ARPC1A: variants seen among roughly 807,000 people sequenced by gnomAD.
The protein encoded by ARPC1A is actin related protein 2/3 complex subunit 1A.
Under a neutral mutation model 46.9 loss-of-function variants are expected in ARPC1A, and 8 were observed. That is an observed-to-expected ratio of 0.17 (90% CI 0.10 to 0.31). The LOEUF (loss-of-function observed/expected upper bound fraction) is 0.31. ARPC1A is among the 10% of genes least tolerant of loss of function. The pLI is 1.00. For synonymous variants in ARPC1A, 152 were observed against 169.0 expected, an observed-to-expected ratio of 0.90 and a Z score of 0.78; for missense variants, 286 against 483.6, an observed-to-expected ratio of 0.59 and a Z score of 3.83.
chr7:99,364,991 C>T (rs961468777), intron 9 of ARPC1A, among the ~76,000 whole-genome samples: 5 of 152,016 alleles, frequency 3.3e-5, no homozygotes, highest in East Asian at 1.9e-4. Flanking sequence ...TCCTGAGTTG[C>T]GATGGGTTTT....
Position 99,359,857 on chromosome 7 carries a change from A to C in ARPC1A, c.983+119A>C, listed in dbSNP as rs1041583291. ...CTCAGGCCCAGACATTCTTTCAGGG[A>C]CAAGTGCAGCAAGAAGTCTGTATCT... On this transcript the variant is annotated intron_variant, in intron 8 of 9. Coordinates refer to ENST00000262942, the MANE Select transcript of ARPC1A (RefSeq NM_006409.4). The C allele has an allele frequency of 5.9e-6, 7 of 1,186,890 alleles. No homozygotes were observed. In the Admixed American group the frequency reaches 1.2e-4, roughly 21 times the overall value. 73.5% of individuals were successfully genotyped at this position (1,186,890 alleles called of 1,614,324 possible).
At chr7:99,330,650 GCTTT>G (rs1364639384) in intron 1 of ARPC1A, among the ~76,000 whole-genome samples, 1 of 152,148 alleles carries the variant, frequency 6.6e-6, no homozygotes, top group Non-Finnish European at 1.5e-5. Flanking sequence ...TGCTGCTTCT[GCTTT>G]CTGAGACTGA....
At chr7:99,362,149 G>T (rs1460081565) in intron 8 of ARPC1A, among the ~76,000 whole-genome samples, 1 of 151,404 alleles carries the variant, frequency 6.6e-6, no homozygotes. Context: ...ACAAAAATTC[G>T]CCAGCCTGGT....
chr7:99,363,489 T>C lies in ARPC1A; in HGVS notation c.984-54T>C, dbSNP rs1399849602. The C allele has an allele frequency of 4.7e-6, 6 of 1,276,034 alleles. No homozygotes were observed. In the African/African-American group the frequency reaches 5.9e-5, roughly 13 times the overall value. The allele number at this position is 1,276,034 out of a possible 1,614,324, so 79.0% of individuals were successfully genotyped here. On this transcript the variant is annotated intron_variant, in intron 8 of 9. Transcript: ENST00000262942. ...CCTTACACTATTAGTCAGGAATGTT[T>C]GTGTTCACTTCCACTACATACCTTA...
At chr7:99,359,896 G>GCT in intron 8 of ARPC1A, 158 bp downstream of exon 8, 1 of 860,750 alleles carries the variant, frequency 1.2e-6, no homozygotes. Flanking sequence ...CGACCGCCAG[G>GCT]CTCTCATTTC....
intron 8 of ARPC1A, among the ~76,000 whole-genome samples, chr7:99,362,675 G>T (rs2150876029): frequency 6.6e-6 from 1 of 151,642 alleles, no homozygotes; most frequent in South Asian, 2.1e-4. Context: ...AAGCTCACAG[G>T]CTGTACGGGC....
At chr7:99,344,126 G>T (rs559445719) in intron 3 of ARPC1A, among the ~76,000 whole-genome samples, 167 bp from the exon 4 acceptor site, 1 of 152,194 alleles carries the variant, frequency 6.6e-6, no homozygotes. Flanking sequence ...AAGCATCCTT[G>T]CCTTTCCTTG....
chr7:99,326,135 C>T (rs1793041525), intron 1 of ARPC1A, 131 bp downstream of exon 1: 1 of 152,212 alleles, frequency 6.6e-6, no homozygotes, highest in Admixed American at 6.5e-5. Context: ...GCGGCCGGGT[C>T]TCCCTGCCGG....
chr7:99,354,520 CAAA>C (rs149604532), intron 6 of ARPC1A, among the ~76,000 whole-genome samples: 5 of 55,822 alleles, frequency 9.0e-5, no homozygotes, highest in Admixed American at 1.9e-4. Flanking sequence ...GACTCCGTCT[CAAA>C]AAAAAAAAAA....
intron 2 of ARPC1A, among the ~76,000 whole-genome samples, chr7:99,335,005 G>A (rs954228474): frequency 1.2e-4 from 18 of 152,250 alleles, no homozygotes; most frequent in African/African-American, 4.1e-4. Context: ...CACCATGCTC[G>A]GCTAATTTTT....
chr7:99,344,214 G>T lies in ARPC1A; in HGVS notation c.170-79G>T, dbSNP rs1205299571. The T allele has an allele frequency of 7.3e-7, 1 of 1,361,280 alleles. No homozygotes were observed. The highest frequency in any genetic ancestry group is 1.0e-6 in the Non-Finnish European group (1 of 964,890). 84.3% of individuals were successfully genotyped at this position (1,361,280 alleles called of 1,614,324 possible). On this transcript the variant is annotated intron_variant, in intron 3 of 9. Transcript: ENST00000262942. ...CCAAGACCACGTCTCATCCTGGCAT[G>T]CCAGTGCCACCCACCTGCCTGTGCC...
intron 3 of ARPC1A, among the ~76,000 whole-genome samples, chr7:99,343,008 C>T (rs974319588): frequency 6.6e-6 from 1 of 152,058 alleles, no homozygotes; most frequent in Non-Finnish European, 1.5e-5. Flanking sequence ...CGGCCTAACT[C>T]TTCAGTCACT....
intron 3 of ARPC1A, among the ~76,000 whole-genome samples, chr7:99,341,609 CAAAA>C (rs36066986): frequency 3.4e-5 from 3 of 87,328 alleles, no homozygotes; most frequent in East Asian, 3.2e-4. Context: ...AACTCTGTCT[CAAAA>C]AAAAAAAAAA....
chr7:99,336,523 A>C (rs1043862190), intron 2 of ARPC1A, among the ~76,000 whole-genome samples: 6 of 117,540 alleles, frequency 5.1e-5, no homozygotes, highest in African/African-American at 2.0e-4. Context: ...ACAGGGTCTC[A>C]CTCTGTCACC....
intron 2 of ARPC1A, among the ~76,000 whole-genome samples, chr7:99,334,022 C>G (rs951767321): frequency 1.4e-5 from 2 of 141,262 alleles, no homozygotes; most frequent in African/African-American, 5.8e-5. Context: ...CACACACACA[C>G]ACACACACAT....
intron 5 of ARPC1A, among the ~76,000 whole-genome samples, chr7:99,353,539 G>T (rs113370712): frequency 1.3e-5 from 2 of 151,200 alleles, no homozygotes; most frequent in Non-Finnish European, 2.9e-5. Flanking sequence ...GTGCAGTGGC[G>T]TGATCTCGGC....
intron 6 of ARPC1A, among the ~76,000 whole-genome samples, chr7:99,354,716 G>A (rs555498087): frequency 7.2e-5 from 11 of 151,986 alleles, no homozygotes; most frequent in African/African-American, 2.7e-4. Context: ...TGGGCACAGT[G>A]GCTCACACCT....
At chr7:99,327,459 A>G (rs1360553603) in intron 1 of ARPC1A, among the ~76,000 whole-genome samples, 1 of 149,758 alleles carries the variant, frequency 6.7e-6, no homozygotes, top group Non-Finnish European at 1.5e-5. Flanking sequence ...TACAGGCATG[A>G]GCCACTGCGC....
rs1793180413 is a variant in ARPC1A at position 99,333,350 on chromosome 7, A to G, written c.-4A>G. Reference sequence around the variant, plus strand: ...CTTTCTCTCCTTTGAAAACACTAAGAATAATGTCACTGCATCAGTTTTTAC... The same window carrying G: ...CTTTCTCTCCTTTGAAAACACTAAGGATAATGTCACTGCATCAGTTTTTAC... On this transcript the variant is annotated 5_prime_UTR_variant, in exon 2 of 10. Coordinates refer to ENST00000262942, the MANE Select transcript of ARPC1A (RefSeq NM_006409.4). 1 of 1,612,486 alleles carries G rather than the reference A, an allele frequency of 6.2e-7. No homozygotes were observed. The highest frequency in any genetic ancestry group is 1.3e-5 in the African/African-American group (1 of 74,866).
Sources: gnomAD v4.1 joint callset for allele counts (sites outside exome capture counted in the v4.1 genomes callset) on GRCh38, gnomAD v4.1.1 for gene constraint, MANE v1.5 for transcripts, NCBI Gene and HGNC (gene_info 2026-07-23, HGNC 2026-07-21) for gene names.